The following DSCAM variants were observed in gnomAD, a reference collection of about 807,000 sequenced individuals.
DSCAM encodes DS cell adhesion molecule, also known as cell adhesion molecule DSCAM.
DSCAM carries 47 observed loss-of-function variants against 217.7 expected under a neutral mutation model. The observed-to-expected ratio is 0.22, with a 90% CI of 0.17 to 0.28. DSCAM has a LOEUF of 0.28. Among genes scored for constraint, DSCAM ranks in the 10% least tolerant of loss-of-function variants. The pLI is 1.00. For synonymous variants in DSCAM, 1,056 were observed against 1,015.3 expected (o/e 1.04, Z -0.76); for missense variants, 2,080 against 2,618.3 (o/e 0.79, Z 4.49).
chr21:40,215,363 CCT>C (rs3069763), intron 11 of DSCAM, among the ~76,000 whole-genome samples: 77,459 of 149,970 alleles, frequency 0.52, 20,265 homozygotes, highest in Middle Eastern at 0.63. Flanking sequence ...GTACGTGTAC[CCT>C]CTGAGCCTAA....
chr21:40,806,922 G>GGC (rs2123522903), intron 1 of DSCAM, among the ~76,000 whole-genome samples: 1 of 152,156 alleles, frequency 6.6e-6, no homozygotes, highest in East Asian at 1.9e-4. Context: ...AGAACACATG[G>GGC]ACATGGGGAG....
intron 1 of DSCAM, among the ~76,000 whole-genome samples, chr21:40,758,460 T>C (rs1404388768): frequency 1.5e-5 from 2 of 136,454 alleles, no homozygotes; most frequent in African/African-American, 2.8e-5. Flanking sequence ...GAGCTTGCAG[T>C]GAGCCGAGGT....
At chr21:40,403,257 AT>A (rs2075252983) in intron 3 of DSCAM, among the ~76,000 whole-genome samples, 1 of 152,112 alleles carries the variant, frequency 6.6e-6, no homozygotes, top group South Asian at 2.1e-4. Flanking sequence ...GAGAATGTAC[AT>A]TTTAAAAGAA....
intron 1 of DSCAM, among the ~76,000 whole-genome samples, chr21:40,776,542 C>T (rs1238239538): frequency 1.3e-5 from 2 of 151,914 alleles, no homozygotes; most frequent in Admixed American, 6.6e-5. Flanking sequence ...GTTGTGAGGG[C>T]CAGAGGAAGG....
chr21:40,391,300 TG>T (rs1360692644), intron 3 of DSCAM, among the ~76,000 whole-genome samples: 3 of 152,338 alleles, frequency 2.0e-5, no homozygotes, highest in Admixed American at 2.0e-4. Context: ...TAAAAATCGC[TG>T]AGTGCATAAA....
chr21:40,506,253 C>T (rs2076209736), intron 3 of DSCAM, among the ~76,000 whole-genome samples: 1 of 152,184 alleles, frequency 6.6e-6, no homozygotes, highest in Non-Finnish European at 1.5e-5. Flanking sequence ...ACTCATCCCA[C>T]CTGATTTTGA....
chr21:40,381,611 G>A (rs1384238484), intron 3 of DSCAM, among the ~76,000 whole-genome samples: 1 of 152,166 alleles, frequency 6.6e-6, no homozygotes, highest in Non-Finnish European at 1.5e-5. Context: ...TGGGCTTATT[G>A]GCAAAACACA....
At chr21:40,562,434 A>T (rs1318528663) in intron 3 of DSCAM, among the ~76,000 whole-genome samples, 1 of 152,080 alleles carries the variant, frequency 6.6e-6, no homozygotes, top group Non-Finnish European at 1.5e-5. Flanking sequence ...TTTCTTTATA[A>T]ATTACCCAGT....
At chr21:40,491,281 A>G (rs1427322096) in intron 3 of DSCAM, among the ~76,000 whole-genome samples, 5 of 152,044 alleles carry the variant, frequency 3.3e-5, no homozygotes, top group Non-Finnish European at 7.4e-5. Context: ...TTTATCTCAT[A>G]TCTCCTGTTC....
chr21:40,035,905 C>T (rs963921745), intron 32 of DSCAM, among the ~76,000 whole-genome samples: 1 of 148,564 alleles, frequency 6.7e-6, no homozygotes, highest in East Asian at 1.9e-4. Flanking sequence ...CAACCTGCTC[C>T]TGAATGACTA....
intron 3 of DSCAM, among the ~76,000 whole-genome samples, chr21:40,410,759 C>CA (rs112357519): frequency 0.02 from 2,883 of 142,574 alleles, 53 homozygotes; most frequent in South Asian, 0.064. Context: ...CTATACAGTA[C>CA]AAAAAAAAAA....
At chr21:40,633,054 G>A (rs980999739) in intron 3 of DSCAM, among the ~76,000 whole-genome samples, 5 of 152,064 alleles carry the variant, frequency 3.3e-5, no homozygotes, top group South Asian at 2.1e-4. Context: ...TTCTACATCC[G>A]TTGTTCCATA....
At chr21:40,686,381 A>G (rs1232341382) in intron 3 of DSCAM, among the ~76,000 whole-genome samples, 1 of 151,560 alleles carries the variant, frequency 6.6e-6, no homozygotes, top group Non-Finnish European at 1.5e-5. Context: ...ACACACACAT[A>G]CAAACACACA....
chr21:40,078,641 A>G, intron 26 of DSCAM, 46 bp downstream of exon 26: 1 of 1,586,028 alleles, frequency 6.3e-7, no homozygotes, highest in African/African-American at 1.3e-5. Context: ...CCACGTGCAC[A>G]TCCCCCAAGA....
chr21:40,796,293 T>C (rs969213012), intron 1 of DSCAM, among the ~76,000 whole-genome samples: 3 of 152,178 alleles, frequency 2.0e-5, no homozygotes, highest in Admixed American at 6.5e-5. Context: ...GTTTTAGTCA[T>C]TGTAGGTTCC....
chr21:40,036,952 G>A (rs1214824412), intron 32 of DSCAM, among the ~76,000 whole-genome samples: 2 of 150,710 alleles, frequency 1.3e-5, no homozygotes, highest in Non-Finnish European at 2.9e-5. Flanking sequence ...AAGGGCCTTT[G>A]ACAAAATTCA....
chr21:40,752,933 G>T (rs1408380351), intron 1 of DSCAM, among the ~76,000 whole-genome samples: 1 of 152,184 alleles, frequency 6.6e-6, no homozygotes, highest in African/African-American at 2.4e-5. Context: ...AGTAATAGAT[G>T]AAATAGATGT....
intron 1 of DSCAM, among the ~76,000 whole-genome samples, chr21:40,777,391 C>A (rs144769286): frequency 2.6e-5 from 4 of 152,160 alleles, no homozygotes; most frequent in Non-Finnish European, 5.9e-5. Flanking sequence ...AACCCTTGCC[C>A]ACTTATATAA....
intron 3 of DSCAM, among the ~76,000 whole-genome samples, chr21:40,547,909 A>G (rs1186977904): frequency 1.3e-5 from 2 of 152,202 alleles, no homozygotes; most frequent in Non-Finnish European, 1.5e-5. Context: ...ACAGACAGAC[A>G]CTGCGCAGTG....
Sources: allele counts gnomAD v4.1 joint callset (sites outside exome capture counted in the v4.1 genomes callset), GRCh38; gene constraint gnomAD v4.1.1; transcripts MANE v1.5; gene names NCBI Gene and HGNC (gene_info 2026-07-23, HGNC 2026-07-21).